MAP3K15: variants seen among roughly 807,000 people sequenced by gnomAD.
The protein encoded by MAP3K15 is MAPK/ERK kinase kinase 15.
MAP3K15 carries 124 observed loss-of-function variants against 99.5 expected under a neutral mutation model. The ratio of observed to expected loss-of-function variants is 1.25; its 90% CI spans 1.08 to 1.45. The LOEUF (loss-of-function observed/expected upper bound fraction) is 1.45, where lower values mean the gene tolerates loss of function less well. Among genes scored for constraint, MAP3K15 ranks in the 40% most tolerant of loss-of-function variants. The probability of loss-of-function intolerance (pLI) is 0.00; values close to 1 mark genes in which losing one functional copy is unlikely to be tolerated. For missense variants in MAP3K15, 1,242 were observed against 1,079.7 expected (o/e 1.15, Z -2.11); for synonymous variants, 494 against 439.6 (o/e 1.12, Z -1.55).
chrX:19,400,449 T>C (rs1484900914), intron 14 of MAP3K15, 127 bp downstream of exon 14: 6 of 440,336 alleles, frequency 1.4e-5, no homozygotes, highest in Middle Eastern at 3.8e-4. Flanking sequence ...CTGGGAACCA[T>C]GCAGTGATGG....
At chrX:19,406,634 A>C (rs2063649929) in intron 13 of MAP3K15, among the ~76,000 whole-genome samples, 2 of 112,565 alleles carry the variant, frequency 1.8e-5, no homozygotes, top group African/African-American at 6.5e-5. Flanking sequence ...GGGGTGACGA[A>C]AATATTCTAA....
At chrX:19,489,350 G>A (rs953786851) in intron 1 of MAP3K15, among the ~76,000 whole-genome samples, 2 of 111,362 alleles carry the variant, frequency 1.8e-5, no homozygotes, top group African/African-American at 6.5e-5. Flanking sequence ...CCTGCACTCA[G>A]GGTCCCATGT....
chrX:19,368,841 G>GTTT (rs773761949), intron 25 of MAP3K15, among the ~76,000 whole-genome samples: 104 of 94,083 alleles, frequency 1.1e-3, no homozygotes, highest in South Asian at 1.5e-3. Flanking sequence ...CTGATTCTGA[G>GTTT]TTTTTTTTTT....
chrX:19,457,003 A>AC lies in MAP3K15; in HGVS notation c.904dup (p.Val302GlyfsTer14). On this transcript the variant is annotated frameshift_variant, in exon 6 of 29. Coordinates refer to ENST00000338883, the MANE Select transcript of MAP3K15 (RefSeq NM_001001671.4). LOFTEE classifies it high-confidence loss of function. ...CATCTCCAGTGTTTCCACCAGCTTC[A>AC]CCATCGCATCATAGTCCTGTTGGCA... 1.7e-6 allele frequency: 2 copies of AC among 1,195,296 alleles called. No homozygotes were observed. Among genetic ancestry groups the AC allele is most frequent in the Non-Finnish European group, 2.2e-6 (2 of 890,926 alleles).
At chrX:19,415,349 T>C in intron 9 of MAP3K15, 92 bp from the exon 10 acceptor site, 2 of 821,919 alleles carry the variant, frequency 2.4e-6, no homozygotes, top group Non-Finnish European at 3.3e-6. Flanking sequence ...AAAGCTTTTA[T>C]TCACTTAAAT....
chrX:19,513,976 T>C (rs751025401), intron 1 of MAP3K15, among the ~76,000 whole-genome samples: 3 of 111,003 alleles, frequency 2.7e-5, no homozygotes, highest in Admixed American at 9.6e-5. Flanking sequence ...CCAGCAAAGG[T>C]GCCCCCTAAC....
chrX:19,384,749 GAAAAAAAAA>G (rs34619145), intron 18 of MAP3K15, among the ~76,000 whole-genome samples: 5 of 22,559 alleles, frequency 2.2e-4, no homozygotes, highest in African/African-American at 9.5e-4. Context: ...TGTCTCAGGG[GAAAAAAAAA>G]AAAAAAAAAA....
Position 19,484,293 on chromosome X carries a change from G to A in MAP3K15, c.525+2189C>T, listed in dbSNP as rs191876242. On this transcript the variant is annotated intron_variant, in intron 3 of 28. Transcript: ENST00000338883. ...AAACCCTATTGTGAACTGCACATGT[G>A]AGCGATCTAGGCTGCGTGCTCCTTA... 2.8e-4 allele frequency among the ~76,000 whole-genome samples: 31 copies of A among 111,235 alleles called. No individual in the cohort carries two copies. In the East Asian group the frequency reaches 8.2e-3, roughly 29 times the overall value.
intron 19 of MAP3K15, 45 bp from the exon 20 acceptor site, chrX:19,374,705 G>A: frequency 9.1e-7 from 1 of 1,103,850 alleles, no homozygotes; most frequent in South Asian, 2.0e-5. Context: ...GAGGCCTTGG[G>A]TGAATTCAGG....
At chrX:19,511,410 G>T (rs2064517514) in intron 1 of MAP3K15, among the ~76,000 whole-genome samples, 1 of 111,588 alleles carries the variant, frequency 9.0e-6, no homozygotes, top group East Asian at 2.8e-4. Context: ...AACGTTTTTG[G>T]AATCTATCAA....
chrX:19,498,272 G>A (rs1322416075), intron 1 of MAP3K15, among the ~76,000 whole-genome samples: 1 of 110,587 alleles, frequency 9.0e-6, no homozygotes, highest in Non-Finnish European at 1.9e-5. Context: ...CTACACTGGG[G>A]TTCTGGTATG....
At position 19,469,889 on chromosome X, in the gene MAP3K15, A is replaced by T. The variant is rs1439451399; in HGVS notation, c.526-5483T>A. ...CCAGTTAGAATGGCAATCATTAAAA[A>T]GTCAGGAAACAACAGGTGCTGGAGA... On this transcript the variant is annotated intron_variant, in intron 3 of 28. Transcript: ENST00000338883. Among the ~76,000 whole-genome samples the T allele has an allele frequency of 8.3e-5, 9 of 108,771 alleles. No homozygotes were observed. The East Asian group carries it at 2.3e-3, about 28-fold the overall frequency. The allele number at this position is 108,771 out of a possible 115,157, so 94.5% of individuals were successfully genotyped here. A position where few individuals can be genotyped will look rare whatever the true frequency, so the allele number is the denominator to read the frequency against.
At chrX:19,490,404 AG>A (rs1222485203) in intron 1 of MAP3K15, among the ~76,000 whole-genome samples, 1 of 111,177 alleles carries the variant, frequency 9.0e-6, no homozygotes, top group Non-Finnish European at 1.9e-5. Context: ...TGCAATAAAC[AG>A]TCCTGTCATA....
At chrX:19,412,173 G>T (rs984763072) in intron 11 of MAP3K15, among the ~76,000 whole-genome samples, 2 of 112,135 alleles carry the variant, frequency 1.8e-5, no homozygotes, top group African/African-American at 6.5e-5. Context: ...AGCCACATGA[G>T]TTTCCAAAGA....
At chrX:19,449,645 C>A (rs762737746) in intron 6 of MAP3K15, among the ~76,000 whole-genome samples, 12 of 108,574 alleles carry the variant, frequency 1.1e-4, no homozygotes, top group Non-Finnish European at 1.6e-4. Context: ...ATCAATAGTG[C>A]CAAGGTGAAG....
chrX:19,440,718 T>C (rs1272237991), intron 6 of MAP3K15, among the ~76,000 whole-genome samples: 1 of 112,430 alleles, frequency 8.9e-6, no homozygotes, highest in Non-Finnish European at 1.9e-5. Flanking sequence ...AAGAGTGGCC[T>C]TGCCTGAACT....
rs1488084080 is a variant in MAP3K15 at position 19,488,452 on chromosome X, A to G, written c.501+376T>C. Reference sequence around the variant, plus strand: ...TTATCCAAGTTGAGAACTGATTTTTATGTGTAGGTTTGGATCCAATTGCTC... The same window carrying G: ...TTATCCAAGTTGAGAACTGATTTTTGTGTGTAGGTTTGGATCCAATTGCTC... On this transcript the variant is annotated intron_variant, in intron 2 of 28. Coordinates refer to ENST00000338883, the MANE Select transcript of MAP3K15 (RefSeq NM_001001671.4). 5.4e-5 allele frequency among the ~76,000 whole-genome samples: 6 copies of G among 111,959 alleles called. No homozygotes were observed. The East Asian group carries it at 1.4e-3, about 26-fold the overall frequency.
At chrX:19,426,824 A>AACAAAAAAC (rs2063835578) in intron 7 of MAP3K15, among the ~76,000 whole-genome samples, 1 of 100,851 alleles carries the variant, frequency 9.9e-6, no homozygotes, top group African/African-American at 4.1e-5. Context: ...TCTCCAAAAA[A>AACAAAAAAC]AAAAAAAAAA....
chrX:19,492,871 G>A, intron 1 of MAP3K15, among the ~76,000 whole-genome samples: 1 of 110,851 alleles, frequency 9.0e-6, no homozygotes, highest in Non-Finnish European at 1.9e-5. Context: ...GGAGGCTGAG[G>A]CAGGAGAATC....
Sources: gnomAD v4.1 joint callset for allele counts (sites outside exome capture counted in the v4.1 genomes callset) on GRCh38, gnomAD v4.1.1 for gene constraint, MANE v1.5 for transcripts, NCBI Gene and HGNC (gene_info 2026-07-23, HGNC 2026-07-21) for gene names.